Variants in NLRP14 observed in about 807,000 individuals in gnomAD.
NLRP14 encodes the protein NLR family pyrin domain containing 14.
A neutral mutation model predicts 94.7 loss-of-function variants in NLRP14; 105 were observed. The observed-to-expected ratio is 1.11, with a 90% CI of 0.95 to 1.30. The LOEUF is 1.30. Ranked by LOEUF, NLRP14 falls within the 50% of genes most tolerant of loss-of-function variation. The pLI, the probability that NLRP14 is intolerant of heterozygous loss-of-function variation, is 0.00. For missense variants in NLRP14, 1,362 were observed against 1,254.1 expected (o/e 1.09, Z -1.30); for synonymous variants, 508 against 459.9 (o/e 1.10, Z -1.34).
At chr11:7,054,696 G>A (rs1019285010) in intron 6 of NLRP14, among the ~76,000 whole-genome samples, 4 of 151,824 alleles carry the variant, frequency 2.6e-5, no homozygotes, top group African/African-American at 4.8e-5. Flanking sequence ...ATATATTCTC[G>A]TTATTAGCCC....
intron 6 of NLRP14, among the ~76,000 whole-genome samples, chr11:7,055,643 T>G (rs1333655370): frequency 6.6e-6 from 1 of 152,046 alleles, no homozygotes. Flanking sequence ...GCTCAACTCA[T>G]AAAGAAAGCT....
chr11:7,078,151 G>C, the NLRP14 span, among the ~76,000 whole-genome samples: 1 of 152,038 alleles, frequency 6.6e-6, no homozygotes, highest in Non-Finnish European at 1.5e-5. Context: ...TTTAAAAATT[G>C]AATTAGGCTG....
At chr11:7,081,646 AAAGGATAGG>A in the NLRP14 span, among the ~76,000 whole-genome samples, 1 of 152,228 alleles carries the variant, frequency 6.6e-6, no homozygotes, top group East Asian at 1.9e-4. Context: ...AGTTTATTAT[AAAGGATAGG>A]AAGGAACATC....
intron 10 of NLRP14, among the ~76,000 whole-genome samples, chr11:7,067,628 T>C (rs1327724269): frequency 2.6e-5 from 4 of 152,204 alleles, no homozygotes; most frequent in African/African-American, 9.6e-5. Flanking sequence ...ATAATATGCA[T>C]TATATCAACC....
At chr11:7,059,366 C>T (rs1402940152) in intron 8 of NLRP14, among the ~76,000 whole-genome samples, 1 of 151,646 alleles carries the variant, frequency 6.6e-6, no homozygotes, top group Non-Finnish European at 1.5e-5. Context: ...AAAAAAAATA[C>T]ACATATGTCA....
the NLRP14 span, among the ~76,000 whole-genome samples, chr11:7,087,008 C>G: frequency 1.4e-5 from 2 of 146,292 alleles, no homozygotes; most frequent in African/African-American, 2.5e-5. Flanking sequence ...CCAGATCCCA[C>G]CAAACAGTTC....
downstream of NLRP14, among the ~76,000 whole-genome samples, chr11:7,072,556 C>G (rs539741366): frequency 6.6e-6 from 1 of 152,286 alleles, no homozygotes; most frequent in South Asian, 2.1e-4. Context: ...GCTCTTCTCC[C>G]CTGTTGATCC....
chr11:7,022,048 A>G (rs913074173), intron 1 of NLRP14, among the ~76,000 whole-genome samples: 3 of 152,138 alleles, frequency 2.0e-5, no homozygotes, highest in Admixed American at 2.0e-4. Context: ...AATATGAATA[A>G]CAAAGAGCAC....
At chr11:7,069,193 G>A (rs1445401429) in intron 10 of NLRP14, among the ~76,000 whole-genome samples, 5 of 152,118 alleles carry the variant, frequency 3.3e-5, no homozygotes, top group South Asian at 4.1e-4. Context: ...TTTGTTTTAC[G>A]ATGCTTTTTC....
At chr11:7,045,543 C>T (rs1453794869) in intron 4 of NLRP14, among the ~76,000 whole-genome samples, 1 of 152,034 alleles carries the variant, frequency 6.6e-6, no homozygotes, top group African/African-American at 2.4e-5. Context: ...ACCATTTTAT[C>T]TCGTGTTCGC....
intron 1 of NLRP14, among the ~76,000 whole-genome samples, chr11:7,030,323 A>T (rs2119565801): frequency 6.6e-6 from 1 of 152,326 alleles, no homozygotes; most frequent in East Asian, 1.9e-4. Context: ...CTTGGTGACT[A>T]CTGTGGTCGA....
At chr11:7,076,216 G>A (rs563847222), downstream of NLRP14, among the ~76,000 whole-genome samples, 2 of 152,126 alleles carry the variant, frequency 1.3e-5, no homozygotes, top group East Asian at 1.9e-4. Flanking sequence ...CTTAAATTTT[G>A]TGCATCAGGC....
At chr11:7,030,650 A>G (rs1408615051) in intron 1 of NLRP14, among the ~76,000 whole-genome samples, 2 of 152,180 alleles carry the variant, frequency 1.3e-5, no homozygotes, top group Non-Finnish European at 2.9e-5. Context: ...GGTAAGGGCT[A>G]GATGAGCAAG....
At chr11:7,089,038 C>T in the NLRP14 span, 1 of 1,500,144 alleles carries the variant, frequency 6.7e-7, no homozygotes. Context: ...TAGGAGCCGC[C>T]CTCGACGAGC....
the NLRP14 span, among the ~76,000 whole-genome samples, chr11:7,079,544 T>C: frequency 6.6e-6 from 1 of 152,242 alleles, no homozygotes; most frequent in Non-Finnish European, 1.5e-5. Flanking sequence ...TACTTAATAA[T>C]TTTTCAAAAT....
At chr11:7,056,021 T>G (rs1016803893) in intron 6 of NLRP14, among the ~76,000 whole-genome samples, 2 of 152,072 alleles carry the variant, frequency 1.3e-5, no homozygotes, top group African/African-American at 2.4e-5. Context: ...CCTCAGCTTT[T>G]GGCTTCCCTT....
At chr11:7,088,750 G>T in the NLRP14 span, among the ~76,000 whole-genome samples, 1 of 151,950 alleles carries the variant, frequency 6.6e-6, no homozygotes, top group African/African-American at 2.4e-5. Context: ...GCTTAGGTTT[G>T]GGATCATTAC....
chr11:7,059,806 G>T, intron 8 of NLRP14, 88 bp from the exon 9 acceptor site: 1 of 1,145,868 alleles, frequency 8.7e-7, no homozygotes, highest in Non-Finnish European at 1.3e-6. Context: ...AATAGATAAG[G>T]GATCAAATCA....
At chr11:7,026,139 G>A (rs1852011300) in intron 1 of NLRP14, among the ~76,000 whole-genome samples, 1 of 152,166 alleles carries the variant, frequency 6.6e-6, no homozygotes, top group African/African-American at 2.4e-5. Context: ...GGCAACAAAA[G>A]CCAAAATTGA....
Sources: allele counts gnomAD v4.1 joint callset (sites outside exome capture counted in the v4.1 genomes callset), GRCh38; gene constraint gnomAD v4.1.1; transcripts MANE v1.5; gene names NCBI Gene and HGNC (gene_info 2026-07-23, HGNC 2026-07-21).